CALN1: variants seen among roughly 807,000 people sequenced by gnomAD.
CALN1 encodes calneuron 1.
In CALN1, 17 loss-of-function variants were observed where a neutral mutation model predicts 30.6. That is an observed-to-expected ratio of 0.56 (90% CI 0.38 to 0.83). The LOEUF (loss-of-function observed/expected upper bound fraction) is 0.83. Ranked by LOEUF, CALN1 falls within the 40% of genes least tolerant of loss-of-function variation. The pLI, the probability that CALN1 is intolerant of heterozygous loss-of-function variation, is 0.00. For missense variants in CALN1, 291 were observed against 354.9 expected (o/e 0.82, Z 1.45); for synonymous variants, 156 against 131.4 (o/e 1.19, Z -1.28).
chr7:71,874,473 T>C (rs1792128651), intron 5 of CALN1, among the ~76,000 whole-genome samples: 1 of 152,006 alleles, frequency 6.6e-6, no homozygotes, highest in African/African-American at 2.4e-5. Flanking sequence ...ACGTGTCCTT[T>C]TGCTAGGTTC....
intron 5 of CALN1, among the ~76,000 whole-genome samples, chr7:71,960,986 T>G (rs182227755): frequency 3.7e-4 from 56 of 152,226 alleles, no homozygotes; most frequent in African/African-American, 1.3e-3. Context: ...CTGGCTAATT[T>G]TTGTATTTTT....
intron 3 of CALN1, among the ~76,000 whole-genome samples, chr7:72,166,373 T>C (rs1303392304): frequency 6.6e-6 from 1 of 152,102 alleles, no homozygotes; most frequent in African/African-American, 2.4e-5. Flanking sequence ...ATCACGGTCT[T>C]GCTGTGTCTT....
At chr7:71,939,688 A>T (rs1227023072) in intron 5 of CALN1, among the ~76,000 whole-genome samples, 1 of 152,122 alleles carries the variant, frequency 6.6e-6, no homozygotes, top group African/African-American at 2.4e-5. Flanking sequence ...CACTGCTTGG[A>T]AGTGGTGGAG....
At chr7:72,311,651 A>ATT (rs56197069) in intron 2 of CALN1, among the ~76,000 whole-genome samples, 4 of 48,534 alleles carry the variant, frequency 8.2e-5, no homozygotes, top group Admixed American at 3.0e-4. Context: ...CCTGGCTGAG[A>ATT]TTTTTTTTTT....
chr7:72,271,216 T>G (rs1796950506), intron 3 of CALN1, among the ~76,000 whole-genome samples: 1 of 152,000 alleles, frequency 6.6e-6, no homozygotes, highest in South Asian at 2.1e-4. Context: ...AGGTACTAGG[T>G]CTAAAATCCA....
chr7:72,254,357 G>GT (rs1795769591), intron 3 of CALN1, among the ~76,000 whole-genome samples: 1 of 152,128 alleles, frequency 6.6e-6, no homozygotes, highest in African/African-American at 2.4e-5. Flanking sequence ...GAACATGATT[G>GT]TTTGAGTGTA....
chr7:71,810,563 G>T, intron 5 of CALN1, 71 bp from the exon 6 acceptor site: 1 of 1,507,426 alleles, frequency 6.6e-7, no homozygotes, highest in Non-Finnish European at 9.1e-7. Context: ...GCCATGACAG[G>T]CCAGACCCAC....
intron 5 of CALN1, among the ~76,000 whole-genome samples, chr7:71,813,595 C>T (rs959842305): frequency 6.6e-6 from 1 of 152,100 alleles, no homozygotes; most frequent in Non-Finnish European, 1.5e-5. Context: ...CAAGAGCCAA[C>T]AATCTTGGAT....
At chr7:71,842,057 C>T (rs958196292) in intron 5 of CALN1, among the ~76,000 whole-genome samples, 6 of 151,778 alleles carry the variant, frequency 4.0e-5, no homozygotes, top group Non-Finnish European at 4.4e-5. Flanking sequence ...GTCAAGGGTC[C>T]GTGCCAGTTT....
rs371445751 is a variant in CALN1 at position 72,272,642 on chromosome 7, T to C, written c.244+6044A>G. On this transcript the variant is annotated intron_variant, in intron 3 of 6. Coordinates refer to ENST00000395275, the MANE Select transcript of CALN1 (RefSeq NM_031468.4). ...GTGAGAGGCTGGGAATTTTTGCTAATTGCCCCGCCAATGAAATTGGAGAGA... is the reference window on the plus strand; with the variant it reads ...GTGAGAGGCTGGGAATTTTTGCTAACTGCCCCGCCAATGAAATTGGAGAGA... 9.8e-5 allele frequency among the ~76,000 whole-genome samples: 15 copies of C among 152,294 alleles called. 1 individual carries two copies. In the Middle Eastern group the frequency reaches 0.017, roughly 173 times the overall value.
At chr7:72,441,870 AG>A (rs1278892482) in intron 1 of CALN1, among the ~76,000 whole-genome samples, 2 of 151,910 alleles carry the variant, frequency 1.3e-5, no homozygotes, top group African/African-American at 4.8e-5. Flanking sequence ...ATGATTCCCA[AG>A]GCTGTCTCCA....
At chr7:71,925,486 GTTTTTTTGGTTTT>G (rs1367210128) in intron 5 of CALN1, among the ~76,000 whole-genome samples, 4 of 132,488 alleles carry the variant, frequency 3.0e-5, no homozygotes, top group Non-Finnish European at 6.5e-5. Flanking sequence ...TATTTTTTGG[GTTTTTTTGGTTTT>G]TTTTTTTGGT....
chr7:72,367,092 T>C (rs1008023438), intron 2 of CALN1, among the ~76,000 whole-genome samples: 3 of 147,058 alleles, frequency 2.0e-5, no homozygotes, highest in Non-Finnish European at 4.6e-5. Context: ...GCATGCTTCA[T>C]GATTATATTT....
intron 5 of CALN1, among the ~76,000 whole-genome samples, chr7:71,959,910 G>A (rs993874172): frequency 6.6e-6 from 1 of 152,082 alleles, no homozygotes; most frequent in African/African-American, 2.4e-5. Flanking sequence ...GAGGCGGGCA[G>A]ATCACCTGAG....
intron 5 of CALN1, among the ~76,000 whole-genome samples, chr7:71,910,135 TTAC>T (rs1248803094): frequency 2.6e-5 from 4 of 152,242 alleles, no homozygotes; most frequent in East Asian, 3.9e-4. Flanking sequence ...CACATGGGAA[TTAC>T]TACAATTCAA....
intron 5 of CALN1, among the ~76,000 whole-genome samples, chr7:71,878,577 C>G (rs766133125): frequency 2.0e-5 from 3 of 151,964 alleles, no homozygotes; most frequent in Non-Finnish European, 4.4e-5. Context: ...CCCTAAAAGC[C>G]GGAGGAGAAG....
At chr7:71,819,296 C>T (rs566320207) in intron 5 of CALN1, among the ~76,000 whole-genome samples, 2 of 151,542 alleles carry the variant, frequency 1.3e-5, no homozygotes, top group Non-Finnish European at 2.9e-5. Flanking sequence ...GCAACCTCCA[C>T]CTTCCGGTTT....
intron 3 of CALN1, among the ~76,000 whole-genome samples, chr7:72,163,879 G>A (rs1788321153): frequency 6.6e-6 from 1 of 152,014 alleles, no homozygotes; most frequent in South Asian, 2.1e-4. Context: ...AACAAGTGAA[G>A]ATTTCCCAGG....
intron 3 of CALN1, among the ~76,000 whole-genome samples, chr7:72,201,737 TAAAAAAA>T (rs778266725): frequency 8.5e-6 from 1 of 117,882 alleles, no homozygotes; most frequent in African/African-American, 3.2e-5. Flanking sequence ...TGAATCTGAT[TAAAAAAA>T]AAAAAAAAAA....
Sources: gnomAD v4.1 joint callset for allele counts (sites outside exome capture counted in the v4.1 genomes callset) on GRCh38, gnomAD v4.1.1 for gene constraint, MANE v1.5 for transcripts, NCBI Gene and HGNC (gene_info 2026-07-23, HGNC 2026-07-21) for gene names.